The following TXNRD1 variants were observed in gnomAD, a reference collection of about 807,000 sequenced individuals.
TXNRD1 encodes the protein thioredoxin reductase 1, cytoplasmic.
Under a neutral mutation model 80.3 loss-of-function variants are expected in TXNRD1, and 57 were observed. The observed-to-expected ratio is 0.71, with a 90% CI of 0.57 to 0.89. The LOEUF (loss-of-function observed/expected upper bound fraction) is 0.89, where lower values mean the gene tolerates loss of function less well. TXNRD1 is among the 40% of genes least tolerant of loss of function. The probability of loss-of-function intolerance (pLI) is 0.00; values close to 1 mark genes in which losing one functional copy is unlikely to be tolerated. For missense variants in TXNRD1, 730 were observed against 803.0 expected (o/e 0.91, Z 1.10); for synonymous variants, 291 against 285.2 (o/e 1.02, Z -0.20).
intron 4 of TXNRD1, chr12:104,303,675 G>C: frequency 4.0e-6 from 2 of 500,910 alleles, no homozygotes; most frequent in Non-Finnish European, 6.7e-6. Context: ...CCGGGCCGGG[G>C]CGGGGCTGTC....
chr12:104,310,150 T>C, intron 4 of TXNRD1: 1 of 1,438,048 alleles, frequency 7.0e-7, no homozygotes. Context: ...TTTTGTTTGT[T>C]TGTTTTTTAA....
rs983116551 is a variant in TXNRD1 at position 104,339,489 on chromosome 12, G to A, written c.1881+216G>A. 1.7e-5 allele frequency: 12 copies of A among 727,240 alleles called. No individual in the cohort carries two copies. The African/African-American group carries it at 1.7e-4, about 10-fold the overall frequency. The allele number at this position is 727,240 out of a possible 1,614,324, so 45.0% of individuals were successfully genotyped here. On this transcript the variant is annotated intron_variant, in intron 16 of 16. Transcript: ENST00000525566. ...CATGTCGTTAAGTGGTAAAAATTAT[G>A]AGAGTGATTTATAGAGCTGTGCCTT...
Position 104,339,239 on chromosome 12 carries a change from A to C in TXNRD1, c.1847A>C (p.Asp616Ala). 1 of 1,614,004 alleles carries C rather than the reference A, an allele frequency of 6.2e-7. No homozygotes were observed. The highest frequency in any genetic ancestry group is 1.7e-5 in the Admixed American group (1 of 60,030). ...TGTGGACTGACCAAAAAGCAGCTGG[A>C]CAGCACAATTGGAATCCACCCTGTC... ...LKCGLTKKQLDSTIGIHPVCA... is the reference protein window; with the variant it reads ...LKCGLTKKQLASTIGIHPVCA... Residue 616 changes from aspartate to alanine, a missense_variant, in exon 16 of 17, where the codon GAC (aspartate) becomes GCC (alanine). Asp to Ala is a moderately radical substitution (Grantham distance 126, BLOSUM62 -2). Coordinates refer to ENST00000525566, the MANE Select transcript of TXNRD1 (RefSeq NM_001093771.3).
chr12:104,286,623 C>A, intron 3 of TXNRD1: 1 of 643,450 alleles, frequency 1.6e-6, no homozygotes, highest in Non-Finnish European at 1.9e-6. Flanking sequence ...GCCCAGGTCA[C>A]ACTCCACACC....
chr12:104,313,792 T>G (rs1478349486), intron 6 of TXNRD1, among the ~76,000 whole-genome samples: 2 of 152,222 alleles, frequency 1.3e-5, no homozygotes, highest in Non-Finnish European at 2.9e-5. Context: ...CTCGGCATAT[T>G]CAAAGTTCAT....
chr12:104,309,691 A>G (rs2035056469), intron 4 of TXNRD1: 1 of 1,179,266 alleles, frequency 8.5e-7, no homozygotes, highest in South Asian at 1.5e-5. Flanking sequence ...GAGTCACACT[A>G]GTTACTTGAA....
At chr12:104,285,955 G>A (rs888073252) in intron 3 of TXNRD1, 1 of 152,188 alleles carries the variant, frequency 6.6e-6, no homozygotes, top group South Asian at 2.1e-4. Flanking sequence ...TACAGGGGAA[G>A]TGTCAAGTTA....
chr12:104,313,643 AC>A (rs1425789476), intron 6 of TXNRD1, among the ~76,000 whole-genome samples: 1 of 152,182 alleles, frequency 6.6e-6, no homozygotes, highest in Non-Finnish European at 1.5e-5. Flanking sequence ...TTTTAAATCT[AC>A]CTCCTACATT....
intron 2 of TXNRD1, among the ~76,000 whole-genome samples, chr12:104,255,655 T>G (rs2033232179): frequency 6.6e-6 from 1 of 152,072 alleles, no homozygotes. Context: ...TAGCCGGGCT[T>G]GGTGATGCAT....
chr12:104,320,105 C>T (rs1057119508), intron 9 of TXNRD1, among the ~76,000 whole-genome samples: 2 of 152,208 alleles, frequency 1.3e-5, no homozygotes, highest in African/African-American at 4.8e-5. Flanking sequence ...GAAGGACCTC[C>T]TGAAACAAGT....
At chr12:104,348,327 A>G in intron 16 of TXNRD1, 26 bp from the exon 17 acceptor site, 2 of 1,613,046 alleles carry the variant, frequency 1.2e-6, no homozygotes, top group East Asian at 2.2e-5. Flanking sequence ...GCATCTGAAG[A>G]TGTTGTGCTT....
chr12:104,331,419 C>T (rs971843220), intron 13 of TXNRD1, 115 bp from the exon 14 acceptor site: 1 of 579,064 alleles, frequency 1.7e-6, no homozygotes, highest in Non-Finnish European at 3.1e-6. Flanking sequence ...ACTTCACATA[C>T]TTTGGTAGAA....
chr12:104,342,916 C>T (rs1022671936), intron 16 of TXNRD1, among the ~76,000 whole-genome samples: 2 of 151,994 alleles, frequency 1.3e-5, no homozygotes, highest in African/African-American at 2.4e-5. Context: ...TGATAGTGGC[C>T]GGAGGTGTGG....
intron 16 of TXNRD1, chr12:104,346,010 C>T: frequency 2.3e-6 from 3 of 1,287,374 alleles, no homozygotes; most frequent in Non-Finnish European, 3.0e-6. Flanking sequence ...TGTCAATTGA[C>T]CCAAGCAGTT....
chr12:104,247,941 C>T (rs2033027988), intron 1 of TXNRD1, among the ~76,000 whole-genome samples: 1 of 152,204 alleles, frequency 6.6e-6, no homozygotes, highest in African/African-American at 2.4e-5. Flanking sequence ...TCAGTTTCCT[C>T]ATCAGTGGAA....
chr12:104,304,247 A>G (rs2034783988), intron 4 of TXNRD1: 1 of 1,613,952 alleles, frequency 6.2e-7, no homozygotes, highest in African/African-American at 1.3e-5. Flanking sequence ...AGAAAAGGCA[A>G]AGCAGTTAAA....
Position 104,339,143 on chromosome 12 carries a change from G to T in TXNRD1, c.1751G>T (p.Arg584Leu). 1 of 1,613,132 alleles carries T rather than the reference G, an allele frequency of 6.2e-7. No individual in the cohort carries two copies. Among genetic ancestry groups the T allele is most frequent in the African/African-American group, 1.3e-5 (1 of 74,940 alleles). The change falls in exon 16 of 17, where the codon CGT (arginine) becomes CTT (leucine). Residue 584 changes from arginine (R) to leucine (L), a missense_variant. Transcript: ENST00000525566. ...KIICNTKDNE[R>L]VVGFHVLGPN... The stretch of plus-strand genomic sequence containing the variant: ...TTGTATTTTTTTTTGCCTTAGGAAC[G>T]TGTTGTGGGCTTTCACGTACTGGGT...
intron 4 of TXNRD1, chr12:104,303,832 A>G: frequency 7.0e-7 from 1 of 1,433,420 alleles, no homozygotes; most frequent in Admixed American, 2.8e-5. Flanking sequence ...TGTTGGTTGA[A>G]AAAGCTTCCC....
chr12:104,278,124 G>T (rs1464222913), intron 3 of TXNRD1, among the ~76,000 whole-genome samples: 1 of 149,024 alleles, frequency 6.7e-6, no homozygotes, highest in African/African-American at 2.5e-5. Context: ...TGATCCACCC[G>T]CCTCAGCCTC....
Sources: allele counts gnomAD v4.1 joint callset (sites outside exome capture counted in the v4.1 genomes callset), GRCh38; gene constraint gnomAD v4.1.1; transcripts MANE v1.5; gene names NCBI Gene and HGNC (gene_info 2026-07-23, HGNC 2026-07-21).